Variants in SLC4A4 observed in about 807,000 individuals in gnomAD.
SLC4A4 encodes solute carrier family 4 member 4, also known as electrogenic sodium bicarbonate cotransporter 1.
Under a neutral mutation model 111.5 loss-of-function variants are expected in SLC4A4, and 27 were observed. That is an observed-to-expected ratio of 0.24 (90% CI 0.18 to 0.33). SLC4A4 has a LOEUF of 0.33. Ranked by LOEUF, SLC4A4 falls within the 10% of genes least tolerant of loss-of-function variation. SLC4A4 has a pLI of 1.00. For synonymous variants in SLC4A4, 443 were observed against 463.4 expected, an observed-to-expected ratio of 0.96 and a Z score of 0.57; for missense variants, 909 against 1,315.5, an observed-to-expected ratio of 0.69 and a Z score of 4.78.
rs564323372 is a variant in SLC4A4, at chr4:71,437,110, G to A, written c.808-3506G>A. The A allele has an allele frequency of 4.1e-3, 1,881 of 456,728 alleles. 15 individuals are homozygous for A. The highest frequency in any genetic ancestry group is 9.2e-3 in the South Asian group (537 of 58,418). The allele number at this position is 456,728 out of a possible 1,614,324, so 28.3% of individuals were successfully genotyped here. On this transcript the variant is annotated intron_variant, in intron 7 of 25. Transcript: ENST00000264485. The stretch of plus-strand genomic sequence containing the variant: ...TTTGTGGACTTTTTCCCACTGTTCA[G>A]GATCTTTATCAGTTCCTATATCTGA...
chr4:71,498,153 G>A (rs1730584496), intron 16 of SLC4A4, among the ~76,000 whole-genome samples: 1 of 152,020 alleles, frequency 6.6e-6, no homozygotes, highest in African/African-American at 2.4e-5. Context: ...TGTTACACAA[G>A]TATTGGTGTA....
At chr4:71,437,939 G>C (rs1016353419) in intron 7 of SLC4A4, 1 of 160,850 alleles carries the variant, frequency 6.2e-6, no homozygotes, top group South Asian at 1.8e-4. Flanking sequence ...GTTAGCTCAC[G>C]CAAGAGGCAA....
intron 1 of SLC4A4, among the ~76,000 whole-genome samples, chr4:71,210,153 C>T (rs970941012): frequency 1.3e-5 from 2 of 152,156 alleles, no homozygotes; most frequent in African/African-American, 4.8e-5. Flanking sequence ...CCCTGGGTGT[C>T]GCCCTGAGCT....
intron 6 of SLC4A4, among the ~76,000 whole-genome samples, chr4:71,387,329 G>T (rs1718840787): frequency 6.6e-6 from 1 of 151,924 alleles, no homozygotes; most frequent in Non-Finnish European, 1.5e-5. Context: ...GTCTATGCTG[G>T]TCTTCTATCT....
chr4:71,267,795 A>AAAAAAAAAAAAT (rs1240265053), intron 3 of SLC4A4, among the ~76,000 whole-genome samples: 1 of 26,792 alleles, frequency 3.7e-5, no homozygotes, highest in Non-Finnish European at 1.5e-4. Flanking sequence ...GTCTGCCAAA[A>AAAAAAAAAAAAT]AAAAAAAAAA....
intron 3 of SLC4A4, among the ~76,000 whole-genome samples, chr4:71,257,330 A>G (rs1262112838): frequency 1.3e-5 from 2 of 152,224 alleles, no homozygotes; most frequent in Non-Finnish European, 2.9e-5. Context: ...ATTATTTATA[A>G]GTATGCATTT....
intron 3 of SLC4A4, among the ~76,000 whole-genome samples, chr4:71,294,266 C>G (rs1449952954): frequency 6.6e-6 from 1 of 152,226 alleles, no homozygotes; most frequent in African/African-American, 2.4e-5. Context: ...TACAGTCAAA[C>G]AGATTCCCCC....
At chr4:71,437,671 G>A in intron 7 of SLC4A4, 1 of 477,856 alleles carries the variant, frequency 2.1e-6, no homozygotes, top group Non-Finnish European at 4.2e-6. Context: ...GATGCTGAGA[G>A]CACAGGCCAT....
intron 6 of SLC4A4, among the ~76,000 whole-genome samples, chr4:71,385,189 A>ATTTTTTTTT (rs1194914064): frequency 2.0e-4 from 3 of 14,996 alleles, no homozygotes; most frequent in African/African-American, 3.6e-4. Flanking sequence ...ATATATATAT[A>ATTTTTTTTT]TATTTTTTTT....
At chr4:71,129,339 A>G (rs907551639) in intron 2 of SLC4A4, among the ~76,000 whole-genome samples, 50 of 152,220 alleles carry the variant, frequency 3.3e-4, no homozygotes, top group African/African-American at 1.2e-3. Context: ...GGAGATATGC[A>G]TGTGACCAAC....
chr4:71,423,036 G>A (rs1490236202), intron 7 of SLC4A4, among the ~76,000 whole-genome samples: 1 of 152,162 alleles, frequency 6.6e-6, no homozygotes, highest in Non-Finnish European at 1.5e-5. Flanking sequence ...TAGGAAAAGA[G>A]GAAGTCAAAT....
chr4:71,453,665 T>A lies in SLC4A4; in HGVS notation c.1493T>A (p.Met498Lys). The A allele has an allele frequency of 6.2e-7, 1 of 1,613,840 alleles. No individual in the cohort carries two copies. The highest frequency in any genetic ancestry group is 8.5e-7 in the Non-Finnish European group (1 of 1,179,816). Residue 498 changes from methionine (M) to lysine (K), a missense_variant, in exon 12 of 26, where the codon ATG becomes AAG. By Grantham distance (95) the Met-to-Lys change is moderately conservative. Coordinates refer to ENST00000264485, the MANE Select transcript of SLC4A4 (RefSeq NM_001098484.3). ...CTGCTTGGGGATGCCACTGACAACA[T>A]GCAGGTGGGTATGGTTTTGAGGAGG... Reference protein sequence around the residue: ...GGLLGDATDNMQGVLESFLGT... With the variant: ...GGLLGDATDNKQGVLESFLGT...
chr4:71,311,516 A>G (rs1325475185), intron 3 of SLC4A4, among the ~76,000 whole-genome samples: 1 of 152,236 alleles, frequency 6.6e-6, no homozygotes, highest in Non-Finnish European at 1.5e-5. Flanking sequence ...CAATCAAATT[A>G]GAACTCAGGA....
intron 7 of SLC4A4, among the ~76,000 whole-genome samples, chr4:71,402,269 A>G (rs1720438752): frequency 6.6e-6 from 1 of 152,282 alleles, no homozygotes. Flanking sequence ...ATAACCCCCA[A>G]TCCTTTTCTT....
chr4:71,446,526 A>G (rs79568298), intron 8 of SLC4A4, among the ~76,000 whole-genome samples: 11,249 of 152,220 alleles, frequency 0.074, 625 homozygotes, highest in Non-Finnish European at 0.11. Flanking sequence ...AAGAATGCCT[A>G]TATATCTACT....
In SLC4A4 at chr4:71,461,944, C is replaced by T. The variant is rs184347106; in HGVS notation, c.1498-4500C>T. On this transcript the variant is annotated intron_variant, in intron 12 of 25. Coordinates refer to ENST00000264485, the MANE Select transcript of SLC4A4 (RefSeq NM_001098484.3). ...CGTCTCTTAATGGCCGTAGTGTTGC[C>T]GCCTAAGACTTTTCTGTTGATTTAA... is the stretch of plus-strand genomic sequence containing the variant. 9.2e-5 allele frequency among the ~76,000 whole-genome samples: 14 copies of T among 152,226 alleles called. No homozygotes were observed. In the East Asian group the frequency reaches 1.5e-3, roughly 17 times the overall value.
At chr4:71,182,794 A>G (rs1168112178), upstream of SLC4A4, among the ~76,000 whole-genome samples, 1 of 152,180 alleles carries the variant, frequency 6.6e-6, no homozygotes, top group Non-Finnish European at 1.5e-5. Context: ...GTTCTGATAG[A>G]GAAGTCTAAC....
chr4:71,206,500 C>A (rs1028203720), intron 1 of SLC4A4, among the ~76,000 whole-genome samples: 1 of 152,074 alleles, frequency 6.6e-6, no homozygotes, highest in Non-Finnish European at 1.5e-5. Context: ...AAGAAGCCTT[C>A]CATAATTTTG....
chr4:71,567,125 T>A (rs1318924040), intron 25 of SLC4A4, 42 bp downstream of exon 25: 23 of 1,468,570 alleles, frequency 1.6e-5, no homozygotes, highest in Non-Finnish European at 2.1e-5. Context: ...TGTGGGATAA[T>A]TGCCCCACAG....
Sources: allele counts gnomAD v4.1 joint callset (sites outside exome capture counted in the v4.1 genomes callset), GRCh38; gene constraint gnomAD v4.1.1; transcripts MANE v1.5; gene names NCBI Gene and HGNC (gene_info 2026-07-23, HGNC 2026-07-21).